Variants in PCDH11X observed in about 807,000 individuals in gnomAD.
PCDH11X encodes protocadherin 11 X-linked, also known as protocadherin-11 X-linked.
A neutral mutation model predicts 53.3 loss-of-function variants in PCDH11X; 18 were observed. The observed-to-expected ratio is 0.34, with a 90% CI of 0.23 to 0.50. PCDH11X has a LOEUF of 0.50. Among genes scored for constraint, PCDH11X ranks in the 20% least tolerant of loss-of-function variants. The probability of loss-of-function intolerance (pLI) is 0.98; values close to 1 mark genes in which losing one functional copy is unlikely to be tolerated. For synonymous variants in PCDH11X, 279 were observed against 393.3 expected (o/e 0.71, Z 3.44); for missense variants, 570 against 1,032.4 (o/e 0.55, Z 6.14).
chrX:92,509,254 G>A lies in PCDH11X; in HGVS notation c.3367+40932G>A. Among the ~76,000 whole-genome samples, 2 of 110,822 alleles carry A rather than the reference G, an allele frequency of 1.8e-5. 1 individual carries two copies. The highest frequency in any genetic ancestry group is 9.3e-3 in the Middle Eastern group (2 of 216). ...ATTTGCTTCTTAGCTCAAATGATGG[G>A]ATGGAAATTTTCACTGTAGATGATG... On this transcript the variant is annotated intron_variant, in intron 10 of 10. Coordinates refer to ENST00000682573, the MANE Select transcript of PCDH11X (RefSeq NM_032968.5).
chrX:92,168,522 A>G (rs1368787427), intron 6 of PCDH11X, among the ~76,000 whole-genome samples: 1 of 110,033 alleles, frequency 9.1e-6, no homozygotes, highest in Non-Finnish European at 1.9e-5. Context: ...TGACAGAGTG[A>G]AACTCTGCCT....
At chrX:92,243,552 A>G (rs1321947446) in intron 7 of PCDH11X, among the ~76,000 whole-genome samples, 1 of 110,667 alleles carries the variant, frequency 9.0e-6, no homozygotes, top group Non-Finnish European at 1.9e-5. Context: ...CTTCCATTTT[A>G]TTCTTTTTCA....
chrX:92,171,862 C>T (rs2065831003), intron 6 of PCDH11X, among the ~76,000 whole-genome samples: 1 of 111,595 alleles, frequency 9.0e-6, no homozygotes, highest in South Asian at 3.7e-4. Context: ...CATGGTACAC[C>T]TTTTCATTTA....
At position 92,149,505 on chromosome X, in the gene PCDH11X, A is replaced by ATATG. The variant is rs1371639878; in HGVS notation, c.3034-51869_3034-51868insATGT. ...TGTGTGTGTATATATATATATATGT[A>ATATG]TGTATATATATGGCATAATCACAAA... On this transcript the variant is annotated intron_variant, in intron 6 of 10. Transcript: ENST00000682573. Among the ~76,000 whole-genome samples the ATATG allele has an allele frequency of 5.2e-4, 55 of 105,798 alleles. 1 individual carries two copies. The highest frequency in any genetic ancestry group is 1.7e-3 in the African/African-American group (48 of 28,555). The allele number at this position is 105,798 out of a possible 115,157, so 91.9% of individuals were successfully genotyped here.
chrX:92,079,893 C>T (rs2148097803), intron 6 of PCDH11X, among the ~76,000 whole-genome samples: 1 of 111,962 alleles, frequency 8.9e-6, no homozygotes, highest in Admixed American at 9.5e-5. Context: ...AATAATGCCC[C>T]TTCCCCAAGG....
intron 6 of PCDH11X, among the ~76,000 whole-genome samples, chrX:91,986,929 C>T (rs919697306): frequency 9.0e-6 from 1 of 110,888 alleles, no homozygotes; most frequent in African/African-American, 3.3e-5. Context: ...GTAATTAAAA[C>T]CTTGCTCTCA....
At chrX:92,523,762 A>G (rs1485504129) in intron 10 of PCDH11X, among the ~76,000 whole-genome samples, 2 of 111,863 alleles carry the variant, frequency 1.8e-5, no homozygotes, top group Non-Finnish European at 1.9e-5. Context: ...CCTTTCTGGT[A>G]GTTCGCATTG....
chrX:92,495,600 A>T (rs2073847205), intron 10 of PCDH11X, among the ~76,000 whole-genome samples: 1 of 110,775 alleles, frequency 9.0e-6, no homozygotes, highest in African/African-American at 3.3e-5. Context: ...ATCAGTAAAC[A>T]TTCGAAATTA....
At chrX:92,575,981 T>TAC (rs1922874499) in intron 10 of PCDH11X, among the ~76,000 whole-genome samples, 1 of 22,478 alleles carries the variant, frequency 4.4e-5, no homozygotes, top group Non-Finnish European at 7.4e-5. Context: ...CTGGGGTGTA[T>TAC]ATATATATAT....
chrX:92,230,949 A>G (rs1225403307), intron 7 of PCDH11X, among the ~76,000 whole-genome samples: 1 of 110,908 alleles, frequency 9.0e-6, no homozygotes, highest in Non-Finnish European at 1.9e-5. Context: ...GGGCCTTCTA[A>G]TTTTCAATCT....
chrX:92,290,222 A>T (rs956882660), intron 8 of PCDH11X, among the ~76,000 whole-genome samples: 1 of 111,920 alleles, frequency 8.9e-6, no homozygotes, highest in Non-Finnish European at 1.9e-5. Flanking sequence ...GGATGATCAG[A>T]CATAAAATTT....
intron 9 of PCDH11X, among the ~76,000 whole-genome samples, chrX:92,428,171 T>C (rs943001448): frequency 1.8e-5 from 2 of 108,986 alleles, no homozygotes; most frequent in Admixed American, 9.9e-5. Flanking sequence ...CAAAATGAAA[T>C]GACAATGAAT....
chrX:92,096,647 G>T (rs1345945547), intron 6 of PCDH11X, among the ~76,000 whole-genome samples: 1 of 110,690 alleles, frequency 9.0e-6, no homozygotes, highest in Non-Finnish European at 1.9e-5. Context: ...AAGGAGAAAG[G>T]CACGTCTTAC....
intron 8 of PCDH11X, among the ~76,000 whole-genome samples, chrX:92,295,783 TAAA>T (rs1202899636): frequency 1.0e-5 from 1 of 95,819 alleles, no homozygotes; most frequent in East Asian, 3.1e-4. Flanking sequence ...GTGTGTCTAT[TAAA>T]AAGATCATGT....
At chrX:92,195,178 C>A (rs1251519860) in intron 6 of PCDH11X, among the ~76,000 whole-genome samples, 1 of 111,452 alleles carries the variant, frequency 9.0e-6, no homozygotes, top group African/African-American at 3.3e-5. Context: ...ACCAAACCAT[C>A]TGGCAAATCT....
intron 10 of PCDH11X, among the ~76,000 whole-genome samples, chrX:92,516,658 A>T (rs1188018835): frequency 8.9e-6 from 1 of 112,293 alleles, no homozygotes; most frequent in Non-Finnish European, 1.9e-5. Context: ...AAATATGATC[A>T]GTGTATTTTC....
chrX:92,499,673 A>AAAAAAAAAAAAAAAAAAAAAAAAAAC (rs2073925228), intron 10 of PCDH11X, among the ~76,000 whole-genome samples: 1 of 80,486 alleles, frequency 1.2e-5, no homozygotes, highest in African/African-American at 5.1e-5. Flanking sequence ...AAAAAAAAAA[A>AAAAAAAAAAAAAAAAAAAAAAAAAAC]AAAAAAAAGC....
chrX:91,792,188 C>A (rs1286949035), intron 1 of PCDH11X, among the ~76,000 whole-genome samples: 1 of 110,872 alleles, frequency 9.0e-6, no homozygotes, highest in Non-Finnish European at 1.9e-5. Context: ...AGTTAATTTA[C>A]AATGGCATTA....
rs766472292 is a variant in PCDH11X at position 91,885,575 on chromosome X, G to A, written c.3033+6302G>A. On this transcript the variant is annotated intron_variant, in intron 6 of 10. Transcript: ENST00000682573. ...TTTGCATTTTTATTGCTTGTGTCATGACTAGCCTGGCCTTTCCTTTCCTTT... is the reference window on the plus strand; with the variant it reads ...TTTGCATTTTTATTGCTTGTGTCATAACTAGCCTGGCCTTTCCTTTCCTTT... Among the ~76,000 whole-genome samples, 89 of 109,763 alleles carry A rather than the reference G, an allele frequency of 8.1e-4. 1 individual carries two copies. The highest frequency in any genetic ancestry group is 2.8e-3 in the African/African-American group (86 of 30,248).
Sources: allele counts gnomAD v4.1 joint callset (sites outside exome capture counted in the v4.1 genomes callset), GRCh38; gene constraint gnomAD v4.1.1; transcripts MANE v1.5; gene names NCBI Gene and HGNC (gene_info 2026-07-23, HGNC 2026-07-21).